Variants in STAU1 observed in about 807,000 individuals in gnomAD.
The protein encoded by STAU1 is double-stranded RNA-binding protein Staufen homolog 1.
In STAU1, 13 loss-of-function variants were observed where a neutral mutation model predicts 62.9. The ratio of observed to expected loss-of-function variants is 0.21; its 90% CI spans 0.13 to 0.33. The LOEUF (loss-of-function observed/expected upper bound fraction) is 0.33. STAU1 is among the 10% of genes least tolerant of loss of function. The pLI is 1.00. For missense variants in STAU1, 571 were observed against 712.1 expected (o/e 0.80, Z 2.25); for synonymous variants, 269 against 265.1 (o/e 1.01, Z -0.14).
At chr20:49,198,976 C>G in the STAU1 span, among the ~76,000 whole-genome samples, 1 of 150,324 alleles carries the variant, frequency 6.7e-6, no homozygotes, top group Admixed American at 6.7e-5. Flanking sequence ...CCCCTGCCCC[C>G]CCGCCAAAAA....
intron 12 of STAU1, 128 bp downstream of exon 12, chr20:49,116,998 G>A (rs1282428407): frequency 7.4e-6 from 9 of 1,212,618 alleles, no homozygotes; most frequent in East Asian, 2.4e-5. Flanking sequence ...ACTATCAAAC[G>A]ATTCATTGCT....
In STAU1 at chr20:49,142,608, T is replaced by G. The variant is rs1182451371; in HGVS notation, c.511-6677A>C. ...CCCGCTCCAGACAACTGAACTCAAA[T>G]TTTTGAGGGCATGGCCTGGATAGCA... On this transcript the variant is annotated intron_variant, in intron 5 of 13. Transcript: ENST00000371856. 2.6e-5 allele frequency among the ~76,000 whole-genome samples: 4 copies of G among 152,070 alleles called. No homozygotes were observed. The East Asian group carries it at 7.7e-4, about 29-fold the overall frequency.
chr20:49,125,563 T>C (rs1600635141), intron 6 of STAU1, among the ~76,000 whole-genome samples: 1 of 135,344 alleles, frequency 7.4e-6, no homozygotes, highest in Non-Finnish European at 1.6e-5. Flanking sequence ...AAGCAAGCAA[T>C]GGGCCAGGCG....
At chr20:49,161,148 A>G (rs2093441880) in intron 3 of STAU1, among the ~76,000 whole-genome samples, 1 of 151,666 alleles carries the variant, frequency 6.6e-6, no homozygotes, top group African/African-American at 2.4e-5. Flanking sequence ...GTGAGACTTC[A>G]TCTCCACAAA....
At chr20:49,194,584 T>TTTCAA in the STAU1 span, among the ~76,000 whole-genome samples, 1 of 10,286 alleles carries the variant, frequency 9.7e-5, no homozygotes, top group South Asian at 4.1e-3. Flanking sequence ...TTATTATTAC[T>TTTCAA]ATTATTATTT....
the STAU1 span, among the ~76,000 whole-genome samples, chr20:49,205,451 C>T: frequency 1.3e-5 from 2 of 150,914 alleles, no homozygotes; most frequent in African/African-American, 4.9e-5. Flanking sequence ...CTGCAACCTC[C>T]GCCTCCCGGG....
At chr20:49,211,258 T>C in the STAU1 span, among the ~76,000 whole-genome samples, 1 of 152,222 alleles carries the variant, frequency 6.6e-6, no homozygotes. Flanking sequence ...TTTTGTCTAC[T>C]GTGAATAGTG....
rs1392152721 is a variant in STAU1 at position 49,117,954 on chromosome 20, C to T, written c.1332G>A (p.Pro444=). ...CAGTTACCGTGGCCTTGGCAGGATT[C>T]GGAGCTGCCCTGGTAAAATCTTTGG... ...HHTKDFTRAA[P]NPAKATVTAM... is the part of the protein sequence containing the mutation. The change falls in exon 11 of 14, where the codon CCG becomes CCA. Residue 444 remains proline (P), a synonymous_variant. Coordinates refer to ENST00000371856, the MANE Select transcript of STAU1 (RefSeq NM_017453.4). This position sits in a 1 kb window ranked among gnomAD's most constrained non-coding sequence, Gnocchi z 4.6. The T allele has an allele frequency of 3.7e-6, 6 of 1,614,030 alleles. No individual in the cohort carries two copies. The highest frequency in any genetic ancestry group is 2.2e-5 in the East Asian group (1 of 44,896).
intron 5 of STAU1, among the ~76,000 whole-genome samples, chr20:49,146,214 C>CA (rs1175455352): frequency 6.6e-6 from 1 of 152,014 alleles, no homozygotes; most frequent in Non-Finnish European, 1.5e-5. Flanking sequence ...TGCAGTGAGC[C>CA]AAAATCACAC....
At chr20:49,204,777 T>C in the STAU1 span, among the ~76,000 whole-genome samples, 1 of 149,436 alleles carries the variant, frequency 6.7e-6, no homozygotes, top group Non-Finnish European at 1.5e-5. Flanking sequence ...GCCTCCTGAG[T>C]AGCTGGGATT....
the STAU1 span, among the ~76,000 whole-genome samples, chr20:49,207,040 C>T: frequency 6.6e-6 from 1 of 152,056 alleles, no homozygotes; most frequent in East Asian, 1.9e-4. Flanking sequence ...AGGCGTCAGC[C>T]ACCTCGCCTG....
the STAU1 span, among the ~76,000 whole-genome samples, chr20:49,217,693 A>ATATATT: frequency 1.9e-4 from 28 of 143,884 alleles, no homozygotes; most frequent in Admixed American, 4.9e-4. Flanking sequence ...ATATATATAT[A>ATATATT]TTTTTAGGCC....
chr20:49,160,518 G>A (rs1316428832), intron 3 of STAU1, among the ~76,000 whole-genome samples: 1 of 152,188 alleles, frequency 6.6e-6, no homozygotes, highest in Non-Finnish European at 1.5e-5. Context: ...TGGGAAAAAA[G>A]TTAACTCCAG....
At chr20:49,186,051 G>A (rs1173091810) in intron 1 of STAU1, among the ~76,000 whole-genome samples, 5 of 151,746 alleles carry the variant, frequency 3.3e-5, no homozygotes, top group African/African-American at 4.8e-5. Flanking sequence ...CACCCGCCTC[G>A]GCCTCCCAAA....
At chr20:49,134,569 A>C in intron 6 of STAU1, 1 of 1,299,270 alleles carries the variant, frequency 7.7e-7, no homozygotes. Flanking sequence ...AATTCAAAGG[A>C]CCTGCCCCCA....
chr20:49,143,468 C>T (rs547029471), intron 5 of STAU1, among the ~76,000 whole-genome samples: 1 of 152,272 alleles, frequency 6.6e-6, no homozygotes, highest in Non-Finnish European at 1.5e-5. Context: ...TGGCATACAC[C>T]TGTAGTCCCA....
the STAU1 span, among the ~76,000 whole-genome samples, chr20:49,205,162 A>G: frequency 6.6e-6 from 1 of 152,150 alleles, no homozygotes; most frequent in South Asian, 2.1e-4. Context: ...CCCGTGCTAT[A>G]TAAATTTAAA....
rs1249319278 is a variant in STAU1, at chr20:49,114,496, G to C, written c.*382C>G. On this transcript the variant is annotated 3_prime_UTR_variant, in exon 14 of 14. Coordinates refer to ENST00000371856, the MANE Select transcript of STAU1 (RefSeq NM_017453.4). ...AGGGTTTGTCCCAATGTGTCTGAGT[G>C]AGCCAGCTTGAGAAGGGGTCGTGCC... The C allele has an allele frequency of 4.7e-6, 1 of 212,628 alleles. No homozygotes were observed. The highest frequency in any genetic ancestry group is 9.5e-6 in the Non-Finnish European group (1 of 105,212). 13.2% of individuals were successfully genotyped at this position (212,628 alleles called of 1,614,324 possible). A position where few individuals can be genotyped will look rare whatever the true frequency, so the allele number is the denominator to read the frequency against.
At chr20:49,158,284 CA>C in intron 3 of STAU1, 2 of 570,636 alleles carry the variant, frequency 3.5e-6, no homozygotes, top group Non-Finnish European at 5.4e-6. Flanking sequence ...AACTCCGTCT[CA>C]AAAAAAGAAA....
Sources: allele counts gnomAD v4.1 joint callset (sites outside exome capture counted in the v4.1 genomes callset), GRCh38; gene constraint gnomAD v4.1.1; non-coding constraint Gnocchi (gnomAD v3.1); transcripts MANE v1.5; gene names NCBI Gene and HGNC (gene_info 2026-07-23, HGNC 2026-07-21).